HYDIN: variants seen among roughly 807,000 people sequenced by gnomAD.
HYDIN encodes the protein axonemal central pair apparatus protein HYDIN.
HYDIN carries 132 observed loss-of-function variants against 403.9 expected under a neutral mutation model. The ratio of observed to expected loss-of-function variants is 0.33; its 90% CI spans 0.28 to 0.38. HYDIN has a LOEUF of 0.38. Among genes scored for constraint, HYDIN ranks in the 10% least tolerant of loss-of-function variants. The probability of loss-of-function intolerance (pLI) is 1.00; values close to 1 mark genes in which losing one functional copy is unlikely to be tolerated. For synonymous variants in HYDIN, 1,202 were observed against 1,891.7 expected (o/e 0.64, Z 9.46); for missense variants, 2,827 against 5,009.5 (o/e 0.56, Z 13.15).
chr16:70,916,051 T>A (rs2076830674), intron 47 of HYDIN, among the ~76,000 whole-genome samples: 1 of 152,202 alleles, frequency 6.6e-6, no homozygotes, highest in Admixed American at 6.5e-5. Context: ...GCTGAGAACT[T>A]GCCCCAGGCT....
Position 70,896,147 on chromosome 16 carries a change from A to G in HYDIN, c.9049-67T>C, listed in dbSNP as rs1380436448. On this transcript the variant is annotated intron_variant, in intron 53 of 85. Transcript: ENST00000393567. ...TAGGTGCTTGGAGCCTGAAACATGT[A>G]ATATCCTAACGGGGATACGGCAGGG... 5 of 1,595,702 alleles carry G rather than the reference A, an allele frequency of 3.1e-6. No homozygotes were observed. In the Admixed American group the frequency reaches 7.0e-5, roughly 22 times the overall value.
chr16:71,229,001 T>A (rs1285994082), intron 1 of HYDIN, among the ~76,000 whole-genome samples: 5 of 151,970 alleles, frequency 3.3e-5, no homozygotes, highest in Non-Finnish European at 7.4e-5. Context: ...TTCATGTCCT[T>A]TGTAGGGACA....
intron 2 of HYDIN, among the ~76,000 whole-genome samples, chr16:71,185,571 G>C (rs1173157825): frequency 6.6e-6 from 1 of 152,026 alleles, no homozygotes; most frequent in African/African-American, 2.4e-5. Context: ...CTTTGAAAGA[G>C]CTCTGAGCTA....
intron 5 of HYDIN, among the ~76,000 whole-genome samples, chr16:71,169,718 G>A (rs2144624356): frequency 6.6e-6 from 1 of 152,200 alleles, no homozygotes; most frequent in South Asian, 2.1e-4. Context: ...AGTTAGACAA[G>A]GAGAAGTTCA....
chr16:71,011,512 G>A (rs1435373150), intron 23 of HYDIN, among the ~76,000 whole-genome samples: 2 of 149,726 alleles, frequency 1.3e-5, no homozygotes, highest in Non-Finnish European at 3.0e-5. Flanking sequence ...ATTGAGACTA[G>A]CCTGGGAAAC....
At chr16:70,856,515 AT>A (rs1225152189) in intron 72 of HYDIN, among the ~76,000 whole-genome samples, 1 of 136,766 alleles carries the variant, frequency 7.3e-6, no homozygotes, top group Non-Finnish European at 1.6e-5. Context: ...CTGCCTCTTG[AT>A]TTTGGTTAAC....
chr16:70,938,833 G>A, intron 43 of HYDIN, 78 bp from the exon 44 acceptor site: 3 of 1,506,736 alleles, frequency 2.0e-6, no homozygotes, highest in Non-Finnish European at 2.7e-6. Context: ...GCGGAGTAGG[G>A]TCTTAGTGTG....
At chr16:71,018,912 C>A in intron 22 of HYDIN, among the ~76,000 whole-genome samples, 1 of 105,318 alleles carries the variant, frequency 9.5e-6, no homozygotes, top group Non-Finnish European at 1.9e-5. Flanking sequence ...TTTTCTAAAG[C>A]ACTGGGGGGT....
intron 80 of HYDIN, 116 bp from the exon 81 acceptor site, chr16:70,829,946 A>G: frequency 5.8e-6 from 5 of 855,440 alleles, no homozygotes; most frequent in Non-Finnish European, 9.3e-6. Flanking sequence ...TCCCATCATG[A>G]GTTTCAGTGG....
chr16:71,030,316 T>A (rs1317857790), intron 19 of HYDIN, among the ~76,000 whole-genome samples: 1 of 151,744 alleles, frequency 6.6e-6, no homozygotes, highest in African/African-American at 2.4e-5. Flanking sequence ...CCTCCCAAAG[T>A]AAAGTGCTGG....
At chr16:70,949,077 G>A (rs1413775468) in intron 41 of HYDIN, among the ~76,000 whole-genome samples, 3 of 151,772 alleles carry the variant, frequency 2.0e-5, no homozygotes, top group Admixed American at 6.6e-5. Flanking sequence ...AACAATGATA[G>A]ACTAGATTAA....
chr16:70,945,817 C>A (rs1370238423), intron 41 of HYDIN, among the ~76,000 whole-genome samples: 7 of 151,990 alleles, frequency 4.6e-5, no homozygotes, highest in Admixed American at 3.9e-4. Flanking sequence ...TGAAGACTGC[C>A]AAGGACCTTG....
At chr16:70,810,603 G>A (rs1464721607) in intron 84 of HYDIN, among the ~76,000 whole-genome samples, 3 of 152,012 alleles carry the variant, frequency 2.0e-5, no homozygotes, top group African/African-American at 4.8e-5. Flanking sequence ...AGGCTGAGGC[G>A]GGTGGATCAC....
At chr16:71,064,900 G>A (rs2082207973) in intron 15 of HYDIN, 60 bp from the exon 16 acceptor site, 5 of 1,586,920 alleles carry the variant, frequency 3.2e-6, no homozygotes, top group Non-Finnish European at 3.4e-6. Context: ...TACAGAAAAC[G>A]CAGAGCCCCA....
At chr16:70,926,582 A>G (rs1291509455) in intron 45 of HYDIN, among the ~76,000 whole-genome samples, 1 of 151,916 alleles carries the variant, frequency 6.6e-6, no homozygotes, top group Admixed American at 6.6e-5. Flanking sequence ...TGCACATTGT[A>G]CACATGTACC....
At chr16:71,078,799 C>A (rs998089827) in intron 13 of HYDIN, among the ~76,000 whole-genome samples, 12 of 152,310 alleles carry the variant, frequency 7.9e-5, no homozygotes, top group African/African-American at 2.9e-4. Flanking sequence ...AGCCACTATG[C>A]CTGGCTGATT....
intron 7 of HYDIN, among the ~76,000 whole-genome samples, chr16:71,152,347 TTTA>T (rs1380260247): frequency 1.3e-5 from 2 of 152,034 alleles, no homozygotes; most frequent in African/African-American, 4.8e-5. Flanking sequence ...TAAAATTGAT[TTTA>T]TTATTATTTA....
At chr16:71,011,370 G>A (rs1171153344) in intron 23 of HYDIN, among the ~76,000 whole-genome samples, 1 of 152,204 alleles carries the variant, frequency 6.6e-6, no homozygotes, top group Non-Finnish European at 1.5e-5. Context: ...TGATTCGGCA[G>A]CCCAGGACTC....
In HYDIN at chr16:70,834,156, G is replaced by T. The variant is rs113957987; in HGVS notation, c.13410C>A (p.Thr4470=). 1.4e-5 allele frequency: 23 copies of T among 1,613,862 alleles called. No individual in the cohort carries two copies. Among genetic ancestry groups the T allele is most frequent in the Non-Finnish European group, 1.9e-5 (22 of 1,179,854 alleles). The change falls in exon 79 of 86, where the codon ACC becomes ACA. Residue 4470 remains threonine (T), a synonymous_variant. Coordinates refer to ENST00000393567, the MANE Select transcript of HYDIN (RefSeq NM_001270974.2). ...GTGTGATGTTGTGGAAGGGCGCCAG[G>T]GTAAGGACCTGAATGAAATAGCACC... ...IPELQEPKVL[T]LAPFHNITLK...
Sources: gnomAD v4.1 joint callset for allele counts (sites outside exome capture counted in the v4.1 genomes callset) on GRCh38, gnomAD v4.1.1 for gene constraint, MANE v1.5 for transcripts, NCBI Gene and HGNC (gene_info 2026-07-23, HGNC 2026-07-21) for gene names.